RNF152: variants seen among roughly 807,000 people sequenced by gnomAD.
RNF152 encodes the protein E3 ubiquitin-protein ligase RNF152.
Under a neutral mutation model 12.7 loss-of-function variants are expected in RNF152, and 11 were observed. The ratio of observed to expected loss-of-function variants is 0.86; its 90% CI spans 0.54 to 1.43. RNF152 has a LOEUF of 1.43. RNF152 is among the 40% of genes most tolerant of loss of function. RNF152 has a pLI of 0.00. For synonymous variants in RNF152, 113 were observed against 120.3 expected, an observed-to-expected ratio of 0.94 and a Z score of 0.40; for missense variants, 255 against 274.8, an observed-to-expected ratio of 0.93 and a Z score of 0.51.
rs1909076504 is a variant in RNF152 at position 61,816,199 on chromosome 18, G to C, written c.265C>G (p.Pro89Ala). 6.2e-7 allele frequency: 1 copy of C among 1,614,122 alleles called. No individual in the cohort carries two copies. The highest frequency in any genetic ancestry group is 1.7e-5 in the Admixed American group (1 of 60,014). ...TTGCTGGGAAGTTTGATGAAGACCG[G>C]GGTGTGTTCGGAAGTGTGTGGAATG... ...IAIPHTSEHT[P>A]VFIKLPSNGC... Residue 89 changes from proline (P) to alanine (A), a missense_variant, in exon 2 of 2, where the codon CCG becomes GCG. Transcript: ENST00000312828.
chr18:61,833,453 C>A (rs1910042747), intron 1 of RNF152, among the ~76,000 whole-genome samples: 1 of 152,156 alleles, frequency 6.6e-6, no homozygotes, highest in Non-Finnish European at 1.5e-5. Context: ...AATCCAATTC[C>A]AGCTTCTACC....
intron 1 of RNF152, among the ~76,000 whole-genome samples, chr18:61,861,696 C>T (rs1237719047): frequency 6.6e-6 from 1 of 152,136 alleles, no homozygotes; most frequent in African/African-American, 2.4e-5. Flanking sequence ...CGGCATTTGG[C>T]GAGGGCCTCA....
intron 1 of RNF152, among the ~76,000 whole-genome samples, chr18:61,875,265 G>T (rs535299377): frequency 6.6e-6 from 1 of 152,116 alleles, no homozygotes; most frequent in African/African-American, 2.4e-5. Context: ...TCCAGACAGG[G>T]TCCTATATGG....
intron 1 of RNF152, among the ~76,000 whole-genome samples, chr18:61,846,393 G>A (rs1410618515): frequency 6.6e-6 from 1 of 152,054 alleles, no homozygotes; most frequent in Non-Finnish European, 1.5e-5. Context: ...CTGTGCCTAT[G>A]CAATCTCATC....
In RNF152 at chr18:61,867,014, A is replaced by AT. The variant is rs554362446; in HGVS notation, c.-136+25780dup. Among the ~76,000 whole-genome samples, 10 of 152,064 alleles carry AT rather than the reference A, an allele frequency of 6.6e-5. 1 individual carries two copies. The highest frequency in any genetic ancestry group is 3.9e-4 in the East Asian group (2 of 5,178). On this transcript the variant is annotated intron_variant, in intron 1 of 1. Coordinates refer to ENST00000312828, the MANE Select transcript of RNF152 (RefSeq NM_173557.3). ...GCTTATTAAACACTGCACATCAGGA[A>AT]TTTTTTTTTCTCACCAAACATCAAA...
At chr18:61,889,659 T>C (rs1046603451) in intron 1 of RNF152, among the ~76,000 whole-genome samples, 15 of 152,182 alleles carry the variant, frequency 9.9e-5, no homozygotes. Flanking sequence ...CTTGCCCAAA[T>C]TGCTTTTTCT....
chr18:61,892,396 A>G (rs1281209062), intron 1 of RNF152, among the ~76,000 whole-genome samples: 2 of 152,200 alleles, frequency 1.3e-5, no homozygotes, highest in Non-Finnish European at 2.9e-5. Flanking sequence ...CAAAAGTACA[A>G]TCAGCCTTCC....
chr18:61,838,226 A>C (rs1434993906), intron 1 of RNF152, among the ~76,000 whole-genome samples: 1 of 152,234 alleles, frequency 6.6e-6, no homozygotes, highest in Non-Finnish European at 1.5e-5. Context: ...CTTTGCAAAC[A>C]GCAGCATCCA....
chr18:61,817,027 T>C (rs1369593464), intron 1 of RNF152, among the ~76,000 whole-genome samples: 1 of 152,198 alleles, frequency 6.6e-6, no homozygotes, highest in Non-Finnish European at 1.5e-5. Flanking sequence ...CTGACTCTAC[T>C]TACCCACTTG....
At chr18:61,866,326 A>C (rs1387252723) in intron 1 of RNF152, among the ~76,000 whole-genome samples, 1 of 152,148 alleles carries the variant, frequency 6.6e-6, no homozygotes, top group Non-Finnish European at 1.5e-5. Flanking sequence ...GTTTATCCTC[A>C]GGACAACTTG....
In RNF152 at chr18:61,889,032, C is replaced by T. The variant is rs1404404311; in HGVS notation, c.-136+3763G>A. ...GCTTTCATTTTCCTTCTCCCTCAGT[C>T]TGTGCCTGGCCCTCAGCCCAACCCC... is the stretch of plus-strand genomic sequence containing the variant. On this transcript the variant is annotated intron_variant, in intron 1 of 1. Coordinates refer to ENST00000312828, the MANE Select transcript of RNF152 (RefSeq NM_173557.3). 2.0e-5 allele frequency among the ~76,000 whole-genome samples: 3 copies of T among 152,230 alleles called. No homozygotes were observed. In the South Asian group the frequency reaches 6.2e-4, roughly 32 times the overall value.
At chr18:61,887,518 A>G (rs1429927477) in intron 1 of RNF152, among the ~76,000 whole-genome samples, 1 of 152,120 alleles carries the variant, frequency 6.6e-6, no homozygotes, top group Non-Finnish European at 1.5e-5. Flanking sequence ...GGAGTTCAAG[A>G]CCAGCCTGGC....
intron 1 of RNF152, among the ~76,000 whole-genome samples, chr18:61,866,546 C>T (rs368246696): frequency 2.0e-5 from 3 of 152,210 alleles, no homozygotes; most frequent in Admixed American, 6.5e-5. Flanking sequence ...GCAGGGCCTA[C>T]GCATCCTTTG....
At chr18:61,840,293 A>G (rs1366422185) in intron 1 of RNF152, among the ~76,000 whole-genome samples, 2 of 152,158 alleles carry the variant, frequency 1.3e-5, no homozygotes, top group African/African-American at 4.8e-5. Flanking sequence ...AGTCTATGGT[A>G]TTTTGCTATA....
intron 1 of RNF152, among the ~76,000 whole-genome samples, chr18:61,830,683 G>A (rs1772750026): frequency 6.6e-6 from 1 of 152,188 alleles, no homozygotes; most frequent in Non-Finnish European, 1.5e-5. Flanking sequence ...GGAAAGAGGG[G>A]CAAGGCTGGA....
At chr18:61,878,989 T>C (rs1472680562) in intron 1 of RNF152, among the ~76,000 whole-genome samples, 1 of 152,170 alleles carries the variant, frequency 6.6e-6, no homozygotes, top group African/African-American at 2.4e-5. Context: ...TAAGTGGGAT[T>C]AGAAAGAACA....
At chr18:61,883,746 A>G (rs1912568451) in intron 1 of RNF152, among the ~76,000 whole-genome samples, 1 of 152,202 alleles carries the variant, frequency 6.6e-6, no homozygotes. Context: ...GAGTGAGGCC[A>G]CAGGAGAAAG....
chr18:61,828,596 G>T (rs774893254), intron 1 of RNF152, among the ~76,000 whole-genome samples: 1 of 150,734 alleles, frequency 6.6e-6, no homozygotes, highest in Non-Finnish European at 1.5e-5. Flanking sequence ...GCAAATTTAT[G>T]TATTTAAAAC....
In RNF152 at chr18:61,808,434, C is replaced by T. The variant is rs1339928075; in HGVS notation, c.*7418G>A. ...AAAAGCTCCTAAAATAAATAATCCACATAATTGTAAATGAAACACATCAAG... is the reference window on the plus strand; with the variant it reads ...AAAAGCTCCTAAAATAAATAATCCATATAATTGTAAATGAAACACATCAAG... On this transcript the variant is annotated 3_prime_UTR_variant, in exon 2 of 2. Coordinates refer to ENST00000312828, the MANE Select transcript of RNF152 (RefSeq NM_173557.3). The T allele has an allele frequency of 2.8e-5, 3 of 105,866 alleles. No individual in the cohort carries two copies. Among genetic ancestry groups the T allele is most frequent in the African/African-American group, 3.5e-5 (1 of 28,320 alleles). 6.6% of individuals were successfully genotyped at this position (105,866 alleles called of 1,614,324 possible). A position where few individuals can be genotyped will look rare whatever the true frequency, so the allele number is the denominator to read the frequency against.
Sources: gnomAD v4.1 joint callset for allele counts (sites outside exome capture counted in the v4.1 genomes callset) on GRCh38, gnomAD v4.1.1 for gene constraint, MANE v1.5 for transcripts, NCBI Gene and HGNC (gene_info 2026-07-23, HGNC 2026-07-21) for gene names.